GRIA4: variants seen among roughly 807,000 people sequenced by gnomAD.
GRIA4 encodes glutamate receptor 4.
Under a neutral mutation model 104.0 loss-of-function variants are expected in GRIA4, and 34 were observed. The observed-to-expected ratio is 0.33, with a 90% confidence interval of 0.25 to 0.44. The LOEUF is 0.44. Ranked by LOEUF, GRIA4 falls within the 20% of genes least tolerant of loss-of-function variation. The pLI is 1.00. For missense variants in GRIA4, 750 were observed against 1,096.5 expected (o/e 0.68, Z 4.46); for synonymous variants, 386 against 381.9 (o/e 1.01, Z -0.13).
At chr11:105,678,571 A>G (rs1952614169) in intron 3 of GRIA4, among the ~76,000 whole-genome samples, 1 of 152,080 alleles carries the variant, frequency 6.6e-6, no homozygotes, top group African/African-American at 2.4e-5. Context: ...TATTTAAGCA[A>G]TCCTCATTAC....
chr11:105,888,519 C>G (rs1268687279), intron 6 of GRIA4, among the ~76,000 whole-genome samples: 1 of 151,746 alleles, frequency 6.6e-6, no homozygotes, highest in East Asian at 1.9e-4. Context: ...ATCTCCTGAC[C>G]TCGTGATCCG....
chr11:105,882,197 T>C (rs944135785), intron 5 of GRIA4, among the ~76,000 whole-genome samples: 2 of 152,186 alleles, frequency 1.3e-5, no homozygotes, highest in South Asian at 2.1e-4. Flanking sequence ...TGTGCCATTT[T>C]CTCCATGTCA....
intron 4 of GRIA4, among the ~76,000 whole-genome samples, chr11:105,756,343 T>C (rs1940309457): frequency 6.6e-6 from 1 of 152,168 alleles, no homozygotes; most frequent in Non-Finnish European, 1.5e-5. Flanking sequence ...GCTCTGTGTC[T>C]GGACTGCAGA....
At chr11:105,620,403 C>T (rs545431431) in intron 3 of GRIA4, among the ~76,000 whole-genome samples, 1 of 151,892 alleles carries the variant, frequency 6.6e-6, no homozygotes, top group African/African-American at 2.4e-5. Flanking sequence ...CTCAAAGTAT[C>T]CAGGGCATCT....
chr11:105,663,976 C>T lies in GRIA4; in HGVS notation c.247+51542C>T, dbSNP rs1306722496. Reference sequence around the variant, plus strand: ...TGCACTACATGAATGTGGGCCCTTACTACCATGATAATAATATTTACCTTG... The same window carrying T: ...TGCACTACATGAATGTGGGCCCTTATTACCATGATAATAATATTTACCTTG... On this transcript the variant is annotated intron_variant, in intron 3 of 16. Transcript: ENST00000282499. Among the ~76,000 whole-genome samples, 3 of 151,214 alleles carry T rather than the reference C, an allele frequency of 2.0e-5. No homozygotes were observed. The Admixed American group carries it at 2.0e-4, about 10-fold the overall frequency.
At chr11:105,645,799 C>T (rs2135366159) in intron 3 of GRIA4, among the ~76,000 whole-genome samples, 1 of 151,996 alleles carries the variant, frequency 6.6e-6, no homozygotes, top group Non-Finnish European at 1.5e-5. Flanking sequence ...GTTGATCGAA[C>T]ATAGAAATAA....
At chr11:105,648,443 C>A (rs955835190) in intron 3 of GRIA4, among the ~76,000 whole-genome samples, 2 of 150,944 alleles carry the variant, frequency 1.3e-5, no homozygotes, top group East Asian at 3.9e-4. Flanking sequence ...TAAAATAATG[C>A]TTTTTATAGT....
rs374474823 is a variant in GRIA4, at chr11:105,659,525, G to T, written c.247+47091G>T. 2.0e-5 allele frequency among the ~76,000 whole-genome samples: 3 copies of T among 151,880 alleles called. No individual in the cohort carries two copies. In the East Asian group the frequency reaches 5.8e-4, roughly 29 times the overall value. On this transcript the variant is annotated intron_variant, in intron 3 of 16. Coordinates refer to ENST00000282499, the MANE Select transcript of GRIA4 (RefSeq NM_000829.4). ...GATGGCAAAGAAGAAGGACAAAAAT[G>T]AGTCTGTGCCCTAAGTAGCATCACT...
chr11:105,979,239 TAA>T (rs879486467), intron 16 of GRIA4, among the ~76,000 whole-genome samples: 1 of 152,202 alleles, frequency 6.6e-6, no homozygotes, highest in African/African-American at 2.4e-5. Flanking sequence ...TTGTCAAACA[TAA>T]AAGAGCTTTT....
At position 105,862,026 on chromosome 11, in the gene GRIA4, T is replaced by C. The variant is rs749435978; in HGVS notation, c.490T>C (p.Tyr164His). The change falls in exon 5 of 17, where the codon TAC becomes CAC. Residue 164 changes from tyrosine (Y) to histidine (H), a missense_variant and splice_region_variant. By Grantham distance (83) the Tyr-to-His change is moderately conservative. This residue lies in a region of GRIA4 where 410 missense variants were observed against 502.7 expected (regional missense o/e 0.82). Transcript: ENST00000282499. ...GTAACTTTTTTTTTCCCCAATAGGA[T>C]ACTCGATACTCCAAGCTATTATGGA... ...FVFLYDTDRG[Y>H]SILQAIMEKA... is the part of the protein sequence containing the mutation. 2.5e-6 allele frequency: 4 copies of C among 1,600,872 alleles called. No homozygotes were observed. Among genetic ancestry groups the C allele is most frequent in the Non-Finnish European group, 3.4e-6 (4 of 1,169,776 alleles).
intron 16 of GRIA4, among the ~76,000 whole-genome samples, chr11:105,977,291 T>C (rs967408722): frequency 3.3e-5 from 5 of 152,022 alleles, no homozygotes; most frequent in Non-Finnish European, 7.4e-5. Flanking sequence ...TAGTGATTAG[T>C]AGATACCTAT....
At chr11:105,723,490 T>C (rs1362420961) in intron 3 of GRIA4, among the ~76,000 whole-genome samples, 1 of 152,078 alleles carries the variant, frequency 6.6e-6, no homozygotes, top group African/African-American at 2.4e-5. Context: ...TGAGATAATG[T>C]TGGAAAGGAC....
chr11:105,915,923 C>T lies in GRIA4; in HGVS notation c.1270-2789C>T, dbSNP rs533644817. ...GGTCGGCCAAACTCAGCGGCTCACACCTGTAATTGCAGCACTTTTGGAGGC... is the reference window on the plus strand; with the variant it reads ...GGTCGGCCAAACTCAGCGGCTCACATCTGTAATTGCAGCACTTTTGGAGGC... On this transcript the variant is annotated intron_variant, in intron 10 of 16. Coordinates refer to ENST00000282499, the MANE Select transcript of GRIA4 (RefSeq NM_000829.4). Among the ~76,000 whole-genome samples, 5 of 152,262 alleles carry T rather than the reference C, an allele frequency of 3.3e-5. No individual in the cohort carries two copies. The South Asian group carries it at 1.0e-3, about 32-fold the overall frequency.
intron 3 of GRIA4, among the ~76,000 whole-genome samples, chr11:105,686,320 T>C (rs1952880725): frequency 6.6e-6 from 1 of 152,100 alleles, no homozygotes; most frequent in Non-Finnish European, 1.5e-5. Context: ...TAAGAACAAG[T>C]GGTTTTTGGT....
At chr11:105,948,570 C>CT (rs1555055349) in intron 14 of GRIA4, among the ~76,000 whole-genome samples, 1 of 124,682 alleles carries the variant, frequency 8.0e-6, no homozygotes, top group Non-Finnish European at 1.7e-5. Flanking sequence ...TTCTTTCTTT[C>CT]TTTCTTTTCT....
intron 3 of GRIA4, among the ~76,000 whole-genome samples, chr11:105,718,062 T>C (rs1753709923): frequency 6.6e-6 from 1 of 152,032 alleles, no homozygotes; most frequent in Admixed American, 6.6e-5. Flanking sequence ...AAAAAAGAAA[T>C]GGATCATTGG....
At chr11:105,907,798 T>C (rs961732194) in intron 9 of GRIA4, among the ~76,000 whole-genome samples, 4 of 152,176 alleles carry the variant, frequency 2.6e-5, no homozygotes, top group African/African-American at 4.8e-5. Flanking sequence ...AAATAAGATA[T>C]ATATTTTTTT....
chr11:105,654,021 A>T, intron 3 of GRIA4, among the ~76,000 whole-genome samples: 1 of 148,824 alleles, frequency 6.7e-6, no homozygotes, highest in East Asian at 2.0e-4. Context: ...AAAAAAAAAA[A>T]AAAAAAGAAA....
intron 4 of GRIA4, among the ~76,000 whole-genome samples, chr11:105,839,230 T>C (rs995336881): frequency 1.3e-5 from 2 of 152,158 alleles, no homozygotes; most frequent in Non-Finnish European, 2.9e-5. Context: ...TTCCACTTTG[T>C]ATGGAAGATG....
Sources: allele counts gnomAD v4.1 joint callset (sites outside exome capture counted in the v4.1 genomes callset), GRCh38; gene constraint gnomAD v4.1.1; regional missense constraint gnomAD v4.1.1; transcripts MANE v1.5; gene names NCBI Gene and HGNC (gene_info 2026-07-23, HGNC 2026-07-21).